Variants in POLA2 observed in about 807,000 individuals in gnomAD.
The protein encoded by POLA2 is DNA polymerase alpha subunit B.
A neutral mutation model predicts 82.8 loss-of-function variants in POLA2; 47 were observed. That is an observed-to-expected ratio of 0.57 (90% CI 0.45 to 0.72). The LOEUF (loss-of-function observed/expected upper bound fraction) is 0.72, where lower values mean the gene tolerates loss of function less well. Ranked by LOEUF, POLA2 falls within the 30% of genes least tolerant of loss-of-function variation. The pLI, the probability that POLA2 is intolerant of heterozygous loss-of-function variation, is 0.00. For missense variants in POLA2, 634 were observed against 728.1 expected (o/e 0.87, Z 1.49); for synonymous variants, 287 against 286.8 (o/e 1.00, Z -0.01).
At chr11:65,300,799 C>A (rs1713929090), downstream of POLA2, among the ~76,000 whole-genome samples, 2 of 152,232 alleles carry the variant, frequency 1.3e-5, no homozygotes, top group South Asian at 4.1e-4. Flanking sequence ...CCAGGCTGGT[C>A]TCGAACCACT....
intron 6 of POLA2, 93 bp from the exon 7 acceptor site, chr11:65,279,441 ATGAC>A: frequency 1.3e-6 from 1 of 793,644 alleles, no homozygotes; most frequent in South Asian, 1.7e-5. Context: ...CTTCTGTAAA[ATGAC>A]TGACTTTAAT....
At position 65,262,118 on chromosome 11, in the gene POLA2, G is replaced by T. The variant is rs1272775433; in HGVS notation, c.-175G>T. The T allele has an allele frequency of 1.7e-6, 1 of 588,694 alleles. No individual in the cohort carries two copies. The highest frequency in any genetic ancestry group is 3.0e-6 in the Non-Finnish European group (1 of 329,856). 36.5% of individuals were successfully genotyped at this position (588,694 alleles called of 1,614,324 possible). A position where few individuals can be genotyped will look rare whatever the true frequency, so the allele number is the denominator to read the frequency against. On this transcript the variant is annotated 5_prime_UTR_variant, in exon 1 of 18. Coordinates refer to ENST00000265465, the MANE Select transcript of POLA2 (RefSeq NM_002689.4). ...AAAAAAGTATTTCTCTGTGACCGAC[G>T]GCCGGGGCCTTCTGACGGTCTGAGG... is the stretch of plus-strand genomic sequence containing the variant.
rs185175426 is a variant in POLA2 at position 65,297,194 on chromosome 11, C to T, written c.1722C>T (p.Leu574=). The change falls in exon 18 of 18, where the codon CTC becomes CTT. Residue 574 remains leucine (L), a synonymous_variant. Coordinates refer to ENST00000265465, the MANE Select transcript of POLA2 (RefSeq NM_002689.4). ...KGQVGGTFAR[L]YLRRPAADGA... ...AGGTGGGAGGCACCTTCGCCCGACT[C>T]TACCTTAGGAGGCCGGCAGCGGACG... 83 of 1,614,150 alleles carry T rather than the reference C, an allele frequency of 5.1e-5. No homozygotes were observed. Among genetic ancestry groups the T allele is most frequent in the Non-Finnish European group, 6.4e-5 (76 of 1,180,018 alleles).
intron 12 of POLA2, among the ~76,000 whole-genome samples, chr11:65,289,448 G>T (rs1356411350): frequency 2.0e-5 from 3 of 152,208 alleles, no homozygotes; most frequent in Non-Finnish European, 4.4e-5. Context: ...AACTCATCTT[G>T]CTGTCCTTTG....
chr11:65,286,200 A>C (rs1333961134), intron 10 of POLA2, among the ~76,000 whole-genome samples: 2 of 152,172 alleles, frequency 1.3e-5, no homozygotes, highest in East Asian at 1.9e-4. Context: ...ATTTTATTTC[A>C]AAATAGAGAA....
downstream of POLA2, among the ~76,000 whole-genome samples, chr11:65,299,417 G>A (rs1949845819): frequency 1.3e-5 from 2 of 152,222 alleles, no homozygotes; most frequent in Non-Finnish European, 2.9e-5. Flanking sequence ...CTCTGAGAGG[G>A]AGAGGGAGAG....
intron 13 of POLA2, among the ~76,000 whole-genome samples, chr11:65,292,923 C>G (rs1225359018): frequency 6.6e-6 from 1 of 152,212 alleles, no homozygotes; most frequent in Non-Finnish European, 1.5e-5. Context: ...AACGGCCCCT[C>G]TGCCAAGGTC....
rs1421444938 is a variant in POLA2 at position 65,297,146 on chromosome 11, C to T, written c.1674C>T (p.Asn558=). ...ATGTCCTCGGCTGTGTCTGTGTGAA[C>T]CCTGGGCGCCTTACCAAAGGGCAGG... The part of the protein sequence containing the change: ...VKDVLGCVCV[N]PGRLTKGQVG... The change falls in exon 18 of 18, where the codon AAC becomes AAT. Residue 558 remains asparagine (N), a synonymous_variant. Transcript: ENST00000265465. 6.2e-7 allele frequency: 1 copy of T among 1,614,092 alleles called. No homozygotes were observed. The highest frequency in any genetic ancestry group is 1.7e-5 in the Admixed American group (1 of 60,000).
At chr11:65,285,514 A>G (rs1202535475) in intron 10 of POLA2, among the ~76,000 whole-genome samples, 2 of 150,642 alleles carry the variant, frequency 1.3e-5, no homozygotes, top group Non-Finnish European at 3.0e-5. Flanking sequence ...CAAGGCTGCC[A>G]TGAGCCATGA....
At chr11:65,280,854 C>T (rs746193232) in intron 7 of POLA2, 138 bp from the exon 8 acceptor site, 17 of 782,674 alleles carry the variant, frequency 2.2e-5, no homozygotes, top group Non-Finnish European at 2.9e-5. Context: ...GCGGTAGTCA[C>T]CTCAGGGTCA....
chr11:65,295,792 C>T (rs1949803921), intron 16 of POLA2, 72 bp from the exon 17 acceptor site: 1 of 1,560,284 alleles, frequency 6.4e-7, no homozygotes, highest in Admixed American at 1.7e-5. Context: ...AAAGCCAGTA[C>T]CTAGGGGGAC....
intron 10 of POLA2, among the ~76,000 whole-genome samples, chr11:65,284,650 CA>C (rs1190556577): frequency 6.6e-6 from 1 of 152,004 alleles, no homozygotes; most frequent in South Asian, 2.1e-4. Flanking sequence ...CTTAGCCTCC[CA>C]AGTAGCTGGG....
At chr11:65,283,353 A>G (rs183630306) in intron 10 of POLA2, among the ~76,000 whole-genome samples, 77 of 152,328 alleles carry the variant, frequency 5.1e-4, no homozygotes, top group African/African-American at 1.6e-3. Context: ...ACAAATGTTC[A>G]TGGTTACCTA....
chr11:65,275,808 C>T (rs1190332643), intron 4 of POLA2, 84 bp from the exon 5 acceptor site: 2 of 664,178 alleles, frequency 3.0e-6, no homozygotes, highest in African/African-American at 1.9e-5. Flanking sequence ...TGGACATGTT[C>T]TCCCTTTTCT....
intron 13 of POLA2, among the ~76,000 whole-genome samples, chr11:65,291,857 CAG>C (rs879462676): frequency 4.6e-5 from 7 of 152,216 alleles, no homozygotes; most frequent in Non-Finnish European, 7.3e-5. Flanking sequence ...CTTCTAGAAA[CAG>C]TATATAAACA....
chr11:65,304,391 TCATC>T (rs1949875227), intron 8 of POLA2, among the ~76,000 whole-genome samples: 1 of 147,272 alleles, frequency 6.8e-6, no homozygotes, highest in Admixed American at 6.7e-5. Context: ...ATCCATCTTT[TCATC>T]CATCCATCAA....
chr11:65,299,471 A>C (rs1159875973), downstream of POLA2, among the ~76,000 whole-genome samples: 1 of 152,138 alleles, frequency 6.6e-6, no homozygotes, highest in Non-Finnish European at 1.5e-5. Flanking sequence ...GTTCCTGGGA[A>C]CCCAAGTGGG....
chr11:65,262,792 T>C (rs1263232665), intron 1 of POLA2, among the ~76,000 whole-genome samples: 1 of 152,214 alleles, frequency 6.6e-6, no homozygotes, highest in East Asian at 1.9e-4. Flanking sequence ...AAACCTCTGC[T>C]GATCCATCAG....
At chr11:65,287,559 G>T in intron 10 of POLA2, 157 bp from the exon 11 acceptor site, 1 of 542,074 alleles carries the variant, frequency 1.8e-6, no homozygotes, top group Non-Finnish European at 3.3e-6. Context: ...GTTCTTGGAG[G>T]GTGGACATGA....
Sources: gnomAD v4.1 joint callset for allele counts (sites outside exome capture counted in the v4.1 genomes callset) on GRCh38, gnomAD v4.1.1 for gene constraint, MANE v1.5 for transcripts, NCBI Gene and HGNC (gene_info 2026-07-23, HGNC 2026-07-21) for gene names.